DOCK8: variants seen among roughly 807,000 people sequenced by gnomAD.
The protein encoded by DOCK8 is dedicator of cytokinesis 8, also known as dedicator of cytokinesis protein 8.
In DOCK8, 141 loss-of-function variants were observed where a neutral mutation model predicts 245.6. The observed-to-expected ratio is 0.57, with a 90% CI of 0.50 to 0.66. The LOEUF (loss-of-function observed/expected upper bound fraction) is 0.66, where lower values mean the gene tolerates loss of function less well. DOCK8 is among the 30% of genes least tolerant of loss of function. The probability of loss-of-function intolerance (pLI) is 0.00; values close to 1 mark genes in which losing one functional copy is unlikely to be tolerated. For missense variants in DOCK8, 2,965 were observed against 2,603.4 expected, an observed-to-expected ratio of 1.14 and a Z score of -3.02; for synonymous variants, 1,168 against 970.2, an observed-to-expected ratio of 1.20 and a Z score of -3.79.
intron 14 of DOCK8, among the ~76,000 whole-genome samples, chr9:357,795 G>A (rs919051829): frequency 1.3e-5 from 2 of 152,220 alleles, no homozygotes; most frequent in Non-Finnish European, 2.9e-5. Flanking sequence ...AGACAGCCTT[G>A]TGGGGCTCTG....
At chr9:231,652 T>A (rs946308310) in intron 1 of DOCK8, among the ~76,000 whole-genome samples, 2 of 152,172 alleles carry the variant, frequency 1.3e-5, no homozygotes, top group Non-Finnish European at 2.9e-5. Context: ...TTTATTCTCT[T>A]TGAAGCAATT....
chr9:269,263 A>G (rs1168862827), intron 1 of DOCK8, among the ~76,000 whole-genome samples: 1 of 152,192 alleles, frequency 6.6e-6, no homozygotes, highest in East Asian at 1.9e-4. Flanking sequence ...TTCTGTCTGT[A>G]TAGATTTTGC....
intron 23 of DOCK8, among the ~76,000 whole-genome samples, chr9:389,716 G>T (rs10973631): frequency 6.6e-6 from 1 of 152,206 alleles, no homozygotes; most frequent in South Asian, 2.1e-4. Context: ...GGCCCTGCAG[G>T]AGATTCTGAT....
At chr9:339,362 G>C (rs995762237) in intron 13 of DOCK8, among the ~76,000 whole-genome samples, 1 of 152,152 alleles carries the variant, frequency 6.6e-6, no homozygotes, top group Non-Finnish European at 1.5e-5. Flanking sequence ...TGTTTAAACA[G>C]AGGAGCCCCT....
intron 11 of DOCK8, 89 bp downstream of exon 11, chr9:334,473 G>A (rs2051213364): frequency 2.1e-6 from 3 of 1,438,912 alleles, no homozygotes; most frequent in Non-Finnish European, 2.8e-6. Context: ...TGGGGGCACA[G>A]TGAGGTGTGG....
chr9:261,611 A>G (rs1309779431), intron 1 of DOCK8, among the ~76,000 whole-genome samples: 1 of 152,206 alleles, frequency 6.6e-6, no homozygotes, highest in African/African-American at 2.4e-5. Context: ...TGTATATGTC[A>G]ATTAGCACAA....
At chr9:401,548 G>T (rs544835056) in intron 26 of DOCK8, among the ~76,000 whole-genome samples, 1 of 152,152 alleles carries the variant, frequency 6.6e-6, no homozygotes, top group Non-Finnish European at 1.5e-5. Flanking sequence ...GCTGTCCATC[G>T]AGATTTTATG....
In DOCK8 at chr9:328,104, C is replaced by T. The variant is rs2130825960; in HGVS notation, c.977C>T (p.Ser326Leu). The T allele has an allele frequency of 1.9e-6, 3 of 1,614,176 alleles. No individual in the cohort carries two copies. Among genetic ancestry groups the T allele is most frequent in the Non-Finnish European group, 2.5e-6 (3 of 1,180,018 alleles). ...LRAHTPSVAA[S>L]SQARSAVFSV... ...GCTCACACGCCTTCAGTGGCCGCAT[C>T]AAGTCAGGCGAGATCTGCAGTCTTC... The change falls in exon 9 of 48, where the codon TCA becomes TTA. Residue 326 changes from serine (S) to leucine (L), a missense_variant. Around this residue, in one of 3 missense-constraint regions of DOCK8, gnomAD observed 2,825 missense variants for 2,453.5 expected, o/e 1.15. Coordinates refer to ENST00000432829, the MANE Select transcript of DOCK8 (RefSeq NM_203447.4).
intron 11 of DOCK8, among the ~76,000 whole-genome samples, 171 bp from the exon 12 acceptor site, chr9:336,411 G>T (rs1049662759): frequency 6.6e-6 from 1 of 152,188 alleles, no homozygotes; most frequent in African/African-American, 2.4e-5. Context: ...GACACCAACA[G>T]GAGGACTAAG....
At chr9:444,416 C>G (rs991254899) in intron 43 of DOCK8, among the ~76,000 whole-genome samples, 12 of 151,506 alleles carry the variant, frequency 7.9e-5, no homozygotes, top group Non-Finnish European at 1.3e-4. Context: ...TACAATGACT[C>G]ACAGAATTCC....
intron 25 of DOCK8, among the ~76,000 whole-genome samples, chr9:398,300 C>T (rs533119763): frequency 9.7e-4 from 147 of 152,298 alleles, no homozygotes; most frequent in African/African-American, 1.5e-3. Context: ...GACCTCTCAG[C>T]GGCACGGTAG....
intron 33 of DOCK8, among the ~76,000 whole-genome samples, chr9:423,719 T>C (rs1170356863): frequency 6.6e-6 from 1 of 152,210 alleles, no homozygotes; most frequent in Admixed American, 6.5e-5. Flanking sequence ...TGGACTGATT[T>C]ATAAAATACT....
intron 14 of DOCK8, among the ~76,000 whole-genome samples, chr9:362,464 C>A (rs2052775609): frequency 6.6e-6 from 1 of 152,202 alleles, no homozygotes; most frequent in Non-Finnish European, 1.5e-5. Flanking sequence ...CATCTTCCAA[C>A]TTTGCTCCAG....
Position 304,585 on chromosome 9 carries a change from C to A in DOCK8, c.409C>A (p.Gln137Lys), listed in dbSNP as rs2049723197. ...ATTAAATATCAACCATAAAAGAAAC[C>A]AAGGAAGTCCAGAAATCTGTGGCTT... is the stretch of plus-strand genomic sequence containing the variant. ...REWLIVNRKNQGSPEICGFKK... is the reference protein window; with the variant it reads ...REWLIVNRKNKGSPEICGFKK... Residue 137 changes from glutamine to lysine, a missense_variant, in exon 5 of 48, where the codon CAA becomes AAA. Transcript: ENST00000432829. The A allele has an allele frequency of 6.2e-7, 1 of 1,614,068 alleles. No individual in the cohort carries two copies.
chr9:382,336 C>A (rs1450798388), intron 21 of DOCK8, among the ~76,000 whole-genome samples, 177 bp from the exon 22 acceptor site: 1 of 152,186 alleles, frequency 6.6e-6, no homozygotes, highest in Non-Finnish European at 1.5e-5. Context: ...TATGCCCCAT[C>A]TACTTCTCTC....
intron 26 of DOCK8, among the ~76,000 whole-genome samples, chr9:401,928 C>T (rs1358677704): frequency 6.6e-6 from 1 of 152,216 alleles, no homozygotes; most frequent in Non-Finnish European, 1.5e-5. Flanking sequence ...ACCCTGACCC[C>T]TGCCCTGCAG....
At chr9:305,285 CT>C (rs1195314904) in intron 5 of DOCK8, among the ~76,000 whole-genome samples, 164 of 145,326 alleles carry the variant, frequency 1.1e-3, no homozygotes, top group Middle Eastern at 7.2e-3. Context: ...TATTCTTTTT[CT>C]TTTTTTTTTT....
In DOCK8 at chr9:368,144, G is replaced by A. The variant is rs2053101006; in HGVS notation, c.1797+9G>A. On this transcript the variant is annotated intron_variant, in intron 15 of 47. Coordinates refer to ENST00000432829, the MANE Select transcript of DOCK8 (RefSeq NM_203447.4). ...CTAGCAATGCGATGCCGGTAAGGAG[G>A]GAAACGAACATTTGCCTCAAATCAG... The A allele has an allele frequency of 6.2e-7, 1 of 1,610,700 alleles. No homozygotes were observed. Among genetic ancestry groups the A allele is most frequent in the Admixed American group, 1.7e-5 (1 of 60,008 alleles).
At chr9:239,082 G>T (rs1174984097) in intron 1 of DOCK8, among the ~76,000 whole-genome samples, 1 of 152,206 alleles carries the variant, frequency 6.6e-6, no homozygotes, top group Non-Finnish European at 1.5e-5. Flanking sequence ...GGTGGCTCCA[G>T]CCAGGAATTG....
Sources: allele counts gnomAD v4.1 joint callset (sites outside exome capture counted in the v4.1 genomes callset), GRCh38; gene constraint gnomAD v4.1.1; regional missense constraint gnomAD v4.1.1; transcripts MANE v1.5; gene names NCBI Gene and HGNC (gene_info 2026-07-23, HGNC 2026-07-21).